The following POLR2F variants were observed in gnomAD, a reference collection of about 807,000 sequenced individuals.
The protein encoded by POLR2F is RNA polymerase II, I and III subunit F, also known as DNA-directed RNA polymerases I, II, and III subunit RPABC2.
In POLR2F, 12 loss-of-function variants were observed where a neutral mutation model predicts 22.7. That is an observed-to-expected ratio of 0.53 (90% confidence interval 0.34 to 0.86). The LOEUF is 0.86. POLR2F is among the 40% of genes least tolerant of loss of function. The pLI, the probability that POLR2F is intolerant of heterozygous loss-of-function variation, is 0.02. For synonymous variants in POLR2F, 57 were observed against 66.0 expected, an observed-to-expected ratio of 0.86 and a Z score of 0.66; for missense variants, 126 against 171.5, an observed-to-expected ratio of 0.73 and a Z score of 1.48.
At chr22:37,973,575 C>T, downstream of POLR2F, 1 of 1,612,950 alleles carries the variant, frequency 6.2e-7, no homozygotes, top group Non-Finnish European at 8.5e-7. Context: ...GGGCTGGGGT[C>T]AGAGATGGCC....
Position 37,997,837 on chromosome 22 carries a change from G to T in POLR2F, c.120+11525G>T, listed in dbSNP as rs994504683. On this transcript the variant is annotated intron_variant, in intron 1 of 2. Coordinates refer to the POLR2F transcript ENST00000333418. This position sits in a 1 kb window ranked among gnomAD's most constrained non-coding sequence, Gnocchi z 4.4. Reference sequence around the variant, plus strand: ...GCCCACAGCTCACCGTCTGTCGAGGGGGGACAGGCAGGAGGTAAGGATGCG... The same window carrying T: ...GCCCACAGCTCACCGTCTGTCGAGGTGGGACAGGCAGGAGGTAAGGATGCG... Among the ~76,000 whole-genome samples, 2 of 152,182 alleles carry T rather than the reference G, an allele frequency of 1.3e-5. No homozygotes were observed. Among genetic ancestry groups the T allele is most frequent in the South Asian group, 2.1e-4 (1 of 4,832 alleles).
At chr22:37,996,844 G>A (rs1044260917) in intron 1 of POLR2F, among the ~76,000 whole-genome samples, 13 of 152,172 alleles carry the variant, frequency 8.5e-5, no homozygotes, top group Non-Finnish European at 1.5e-5. Context: ...CATTCTGAGT[G>A]GTAGATTTGG....
intron 1 of POLR2F, chr22:38,025,812 C>T (rs1014910875): frequency 4.0e-5 from 59 of 1,458,704 alleles, no homozygotes; most frequent in Non-Finnish European, 5.3e-5. Context: ...CTTTTCATGG[C>T]CAGCATGGTG....
intron 1 of POLR2F, among the ~76,000 whole-genome samples, chr22:38,023,348 A>G (rs970261869): frequency 2.6e-5 from 4 of 152,200 alleles, no homozygotes; most frequent in Non-Finnish European, 4.4e-5. Flanking sequence ...GTCTTCTGTT[A>G]TCAACAGGCT....
At position 37,986,675 on chromosome 22, in the gene POLR2F, C is replaced by T. The variant is rs943629037; in HGVS notation, c.120+363C>T. 2.3e-5 allele frequency: 13 copies of T among 554,726 alleles called. No individual in the cohort carries two copies. Among genetic ancestry groups the T allele is most frequent in the Admixed American group, 6.6e-5 (3 of 45,376 alleles). 34.4% of individuals were successfully genotyped at this position (554,726 alleles called of 1,614,324 possible). The stretch of plus-strand genomic sequence containing the variant: ...GGGCTGTGCTGGGCTTTTTGCTGAG[C>T]AGTGTTGGGTGAGGCAGGTGGGCCT... On this transcript the variant is annotated intron_variant, in intron 1 of 2. Transcript: ENST00000333418. The surrounding 1 kb of genome is among the most constrained non-coding windows in gnomAD (Gnocchi z 4.7).
At chr22:38,025,904 A>G (rs777184973) in exon 2 of POLR2F, 2 of 778,752 alleles carry the variant, frequency 2.6e-6, no homozygotes, top group Non-Finnish European at 2.3e-6. Context: ...TGTCTTCTAC[A>G]TGGGATGGAC....
At chr22:37,983,745 G>T, upstream of POLR2F, 1 of 1,485,540 alleles carries the variant, frequency 6.7e-7, no homozygotes, top group Non-Finnish European at 8.9e-7. The surrounding 1 kb of genome is among the most constrained non-coding windows in gnomAD (Gnocchi z 9.5). Context: ...GAGCCCACGG[G>T]GCTCAGCTCC....
intron 2 of POLR2F, 175 bp downstream of exon 2, chr22:37,957,017 T>C (rs1931431427): frequency 3.1e-6 from 2 of 636,228 alleles, no homozygotes; most frequent in Admixed American, 4.8e-5. Context: ...CCCTGCAGGG[T>C]GGGCCTGAAA....
chr22:38,040,597 C>T (rs150861750), intron 5 of POLR2F: 1 of 177,276 alleles, frequency 5.6e-6, no homozygotes, highest in Non-Finnish European at 1.2e-5. Flanking sequence ...TGACCATATG[C>T]CAGTCTGGTT....
At position 37,978,132 on chromosome 22, in the gene POLR2F, C is replaced by A. The variant is rs2145768671; in HGVS notation, c.293+10962C>A. ...AGGGGCGCTTGTCACTTTCGTTCAG[C>A]AGCCTGGGGTGTGGTGGGAGGCGGA... On this transcript the variant is annotated intron_variant, in intron 4 of 4. Coordinates refer to the POLR2F transcript ENST00000405557. The surrounding 1 kb of genome is among the most constrained non-coding windows in gnomAD (Gnocchi z 5.0). The A allele has an allele frequency of 6.4e-7, 1 of 1,562,430 alleles. No homozygotes were observed. Among genetic ancestry groups the A allele is most frequent in the Non-Finnish European group, 8.7e-7 (1 of 1,154,284 alleles).
At chr22:37,971,070 G>C, downstream of POLR2F, 1 of 359,372 alleles carries the variant, frequency 2.8e-6, no homozygotes, top group Non-Finnish European at 5.6e-6. Context: ...CTCTCCCCTG[G>C]TCCTGACTAG....
Position 38,013,073 on chromosome 22 carries a change from A to ACTTCCTTCCCTTCCTTCC in POLR2F, c.121-12752_121-12735dup, listed in dbSNP as rs139903. On this transcript the variant is annotated intron_variant, in intron 1 of 2. Coordinates refer to the POLR2F transcript ENST00000333418. ...AGCACTCCCTCATTGCTTAGTTATGACTTCCTTCCCTTCCTTCCCTTCCTT... is the reference window on the plus strand; with the variant it reads ...AGCACTCCCTCATTGCTTAGTTATGACTTCCTTCCCTTCCTTCCCTTCCTTCCCTTCCTTCCCTTCCTT... 4.7e-4 allele frequency among the ~76,000 whole-genome samples: 70 copies of ACTTCCTTCCCTTCCTTCC among 148,176 alleles called. No individual in the cohort carries two copies. The East Asian group carries it at 8.2e-3, about 17-fold the overall frequency.
downstream of POLR2F, among the ~76,000 whole-genome samples, chr22:38,029,332 G>A (rs115871010): frequency 4.9e-3 from 743 of 152,306 alleles, 7 homozygotes; most frequent in African/African-American, 0.017. Context: ...CAGTGATGGA[G>A]TCATTTCAAG....
At chr22:38,038,242 C>A (rs1013787751) in intron 5 of POLR2F, among the ~76,000 whole-genome samples, 1 of 152,166 alleles carries the variant, frequency 6.6e-6, no homozygotes, top group Non-Finnish European at 1.5e-5. Context: ...GCCAATGGAG[C>A]CCTGGTGGCC....
downstream of POLR2F, chr22:37,973,964 C>G (rs150327222): frequency 3.7e-6 from 6 of 1,611,794 alleles, no homozygotes; most frequent in African/African-American, 8.0e-5. Flanking sequence ...TGAGTAGCTG[C>G]TCACATGGCC....
chr22:37,973,966 C>G (rs757748507), downstream of POLR2F: 1 of 1,611,876 alleles, frequency 6.2e-7, no homozygotes, highest in Admixed American at 1.7e-5. Context: ...AGTAGCTGCT[C>G]ACATGGCCTG....
chr22:38,038,439 C>G (rs918214807), intron 5 of POLR2F, among the ~76,000 whole-genome samples: 1 of 151,972 alleles, frequency 6.6e-6, no homozygotes, highest in Non-Finnish European at 1.5e-5. Context: ...GGGGTTTGAC[C>G]TGGCGGCCAT....
intron 2 of POLR2F, among the ~76,000 whole-genome samples, chr22:37,959,013 A>G (rs1931516039): frequency 6.6e-6 from 1 of 152,116 alleles, no homozygotes; most frequent in Non-Finnish European, 1.5e-5. Flanking sequence ...CCTCTTTTAC[A>G]GGACCAACAT....
At chr22:38,003,769 G>A (rs980878558) in intron 1 of POLR2F, among the ~76,000 whole-genome samples, 178 of 151,516 alleles carry the variant, frequency 1.2e-3, no homozygotes, top group African/African-American at 4.2e-3. Context: ...TAGAGATAGG[G>A]TTTCACCATG....
Sources: gnomAD v4.1 joint callset for allele counts (sites outside exome capture counted in the v4.1 genomes callset) on GRCh38, gnomAD v4.1.1 for gene constraint, Gnocchi (gnomAD v3.1) non-coding constraint, MANE v1.5 for transcripts, NCBI Gene and HGNC (gene_info 2026-07-23, HGNC 2026-07-21) for gene names.